The following BACH2 variants were observed in gnomAD, a reference collection of about 807,000 sequenced individuals.
BACH2 encodes the protein BACH transcriptional regulator 2.
In BACH2, 5 loss-of-function variants were observed where a neutral mutation model predicts 61.8. That is an observed-to-expected ratio of 0.08 (90% confidence interval 0.04 to 0.17). BACH2 has a LOEUF of 0.17. Ranked by LOEUF, BACH2 falls within the 10% of genes least tolerant of loss-of-function variation. The pLI is 1.00. For missense variants in BACH2, 824 were observed against 1,091.1 expected (o/e 0.76, Z 3.45); for synonymous variants, 446 against 440.1 (o/e 1.01, Z -0.17).
chr6:90,083,317 GATT>G (rs1781799192), intron 5 of BACH2, among the ~76,000 whole-genome samples: 1 of 152,078 alleles, frequency 6.6e-6, no homozygotes, highest in African/African-American at 2.4e-5. Flanking sequence ...ATAAAACATA[GATT>G]ATTTGGAGAC....
chr6:90,108,392 G>C (rs1482538469), intron 4 of BACH2, among the ~76,000 whole-genome samples: 1 of 152,146 alleles, frequency 6.6e-6, no homozygotes, highest in Non-Finnish European at 1.5e-5. Context: ...AAGGCGAAAA[G>C]AGACATTTTA....
chr6:90,244,932 G>A (rs1427799372), intron 3 of BACH2, among the ~76,000 whole-genome samples: 3 of 152,106 alleles, frequency 2.0e-5, no homozygotes, highest in Admixed American at 2.0e-4. Flanking sequence ...GGTGGCTCAC[G>A]CCTGTAATCC....
At position 89,983,831 on chromosome 6, in the gene BACH2, C is replaced by T. The variant is rs552578952; in HGVS notation, c.243+24771G>A. ...AATCAAAATGGAAAACATATTCTAG[C>T]AGGAGTGGGGAAAAGAAAATGTGTT... is the stretch of plus-strand genomic sequence containing the variant. On this transcript the variant is annotated intron_variant, in intron 6 of 8. Transcript: ENST00000257749. Among the ~76,000 whole-genome samples, 12 of 152,246 alleles carry T rather than the reference C, an allele frequency of 7.9e-5. No individual in the cohort carries two copies. The South Asian group carries it at 8.3e-4, about 11-fold the overall frequency.
At chr6:90,138,819 G>A (rs1302732036) in intron 4 of BACH2, among the ~76,000 whole-genome samples, 1 of 152,084 alleles carries the variant, frequency 6.6e-6, no homozygotes, top group Non-Finnish European at 1.5e-5. Flanking sequence ...CAATGAGCTG[G>A]GGCATAGTAA....
chr6:89,955,792 T>G (rs1036293422), intron 6 of BACH2, among the ~76,000 whole-genome samples: 1 of 152,200 alleles, frequency 6.6e-6, no homozygotes, highest in Non-Finnish European at 1.5e-5. Flanking sequence ...AAAAGCTGTA[T>G]GTTCATGAAA....
At chr6:90,261,188 C>G (rs1252944598) in intron 2 of BACH2, among the ~76,000 whole-genome samples, 1 of 152,110 alleles carries the variant, frequency 6.6e-6, no homozygotes, top group Non-Finnish European at 1.5e-5. Flanking sequence ...TCCTTTGTTC[C>G]CATCTATTAA....
In BACH2 at chr6:89,940,087, G is replaced by A. The variant is rs546483575; in HGVS notation, c.1837-1737C>T. ...GTAGAGTGGCACGATTTTGACTCAC[G>A]GCAAACTCCACCTCCCTGGTTCAAG... On this transcript the variant is annotated intron_variant, in intron 7 of 8. Coordinates refer to ENST00000257749, the MANE Select transcript of BACH2 (RefSeq NM_021813.4). Among the ~76,000 whole-genome samples, 16 of 151,856 alleles carry A rather than the reference G, an allele frequency of 1.1e-4. No homozygotes were observed. The South Asian group carries it at 2.5e-3, about 24-fold the overall frequency.
At chr6:90,029,821 T>C (rs1778860931) in intron 5 of BACH2, among the ~76,000 whole-genome samples, 1 of 152,186 alleles carries the variant, frequency 6.6e-6, no homozygotes, top group Non-Finnish European at 1.5e-5. Flanking sequence ...TGCCTATCCA[T>C]TTATCCACAG....
chr6:90,280,061 T>A (rs1771811963), intron 1 of BACH2, among the ~76,000 whole-genome samples: 1 of 152,102 alleles, frequency 6.6e-6, no homozygotes, highest in Non-Finnish European at 1.5e-5. Context: ...TTGTGGAGAA[T>A]CATTATAAAA....
At chr6:89,949,552 C>G (rs1773947100) in intron 7 of BACH2, among the ~76,000 whole-genome samples, 1 of 152,168 alleles carries the variant, frequency 6.6e-6, no homozygotes, top group Admixed American at 6.5e-5. Flanking sequence ...CACATGGAGC[C>G]TCTGGACATT....
At chr6:89,992,981 G>T (rs2127775540) in intron 6 of BACH2, among the ~76,000 whole-genome samples, 1 of 152,276 alleles carries the variant, frequency 6.6e-6, no homozygotes, top group South Asian at 2.1e-4. Flanking sequence ...TTGGATAGAA[G>T]TGATGTCCTT....
Position 89,930,572 on chromosome 6 carries a change from C to G in BACH2, c.*1836G>C, listed in dbSNP as rs1772588157. ...GCTCAGTGAGACCCGGACCCAAGGC[C>G]ACTGGAGCGAGGGAGCTGATTCCTC... On this transcript the variant is annotated 3_prime_UTR_variant, in exon 9 of 9. Coordinates refer to ENST00000257749, the MANE Select transcript of BACH2 (RefSeq NM_021813.4). 3 of 152,826 alleles carry G rather than the reference C, an allele frequency of 2.0e-5. No homozygotes were observed. The highest frequency in any genetic ancestry group is 7.2e-5 in the African/African-American group (3 of 41,462). 9.5% of individuals were successfully genotyped at this position (152,826 alleles called of 1,614,324 possible).
intron 5 of BACH2, among the ~76,000 whole-genome samples, chr6:90,040,931 G>A (rs899942120): frequency 4.6e-5 from 7 of 151,986 alleles, no homozygotes; most frequent in African/African-American, 1.7e-4. Context: ...GTACATAATG[G>A]GTTGTTATTG....
chr6:89,972,925 T>G (rs1458270997), intron 6 of BACH2, among the ~76,000 whole-genome samples: 3 of 151,856 alleles, frequency 2.0e-5, no homozygotes. Flanking sequence ...CCGTCTCTAC[T>G]AAAAATACAA....
intron 4 of BACH2, among the ~76,000 whole-genome samples, chr6:90,193,534 C>T (rs903159379): frequency 1.1e-4 from 16 of 152,150 alleles, no homozygotes; most frequent in African/African-American, 3.4e-4. Context: ...CCACACATTT[C>T]TGTTGTTTAA....
chr6:90,152,227 C>A (rs189891342), intron 4 of BACH2, among the ~76,000 whole-genome samples: 2 of 152,316 alleles, frequency 1.3e-5, no homozygotes, highest in African/African-American at 4.8e-5. Context: ...TGCTGCACGA[C>A]TCTATAATTT....
At chr6:90,181,033 A>G (rs1038643829) in intron 4 of BACH2, among the ~76,000 whole-genome samples, 3 of 152,160 alleles carry the variant, frequency 2.0e-5, no homozygotes, top group Non-Finnish European at 4.4e-5. Context: ...GTAGATACCC[A>G]GTAGTGGGAT....
chr6:90,179,936 T>C (rs868120391), intron 4 of BACH2, among the ~76,000 whole-genome samples: 3 of 152,116 alleles, frequency 2.0e-5, no homozygotes, highest in Non-Finnish European at 4.4e-5. Context: ...AGTAGGGCAA[T>C]TGTAGAATAA....
chr6:90,088,041 C>T (rs920225487), intron 5 of BACH2, among the ~76,000 whole-genome samples: 2 of 151,954 alleles, frequency 1.3e-5, no homozygotes, highest in South Asian at 2.1e-4. Flanking sequence ...CCCCACTACC[C>T]TTCCTGGCCT....
Sources: gnomAD v4.1 joint callset for allele counts (sites outside exome capture counted in the v4.1 genomes callset) on GRCh38, gnomAD v4.1.1 for gene constraint, MANE v1.5 for transcripts, NCBI Gene and HGNC (gene_info 2026-07-23, HGNC 2026-07-21) for gene names.